Variants in CHRM5 observed in about 807,000 individuals in gnomAD.
CHRM5 encodes the protein muscarinic acetylcholine receptor M5.
CHRM5 carries 18 observed loss-of-function variants against 39.0 expected under a neutral mutation model. That is an observed-to-expected ratio of 0.46 (90% CI 0.32 to 0.68). The LOEUF (loss-of-function observed/expected upper bound fraction) is 0.68. Ranked by LOEUF, CHRM5 falls within the 30% of genes least tolerant of loss-of-function variation. CHRM5 has a pLI of 0.04. For missense variants in CHRM5, 515 were observed against 651.1 expected (o/e 0.79, Z 2.28); for synonymous variants, 241 against 246.3 (o/e 0.98, Z 0.20).
At chr15:33,977,453 G>A (rs942467724) in intron 1 of CHRM5, among the ~76,000 whole-genome samples, 2 of 152,006 alleles carry the variant, frequency 1.3e-5, no homozygotes, top group African/African-American at 4.8e-5. Flanking sequence ...AATGAATTCC[G>A]GTTTCAAACC....
At chr15:33,988,207 T>C (rs1218748709) in intron 1 of CHRM5, among the ~76,000 whole-genome samples, 1 of 152,204 alleles carries the variant, frequency 6.6e-6, no homozygotes, top group African/African-American at 2.4e-5. Context: ...AAACAAAAAA[T>C]GTGTATCTTA....
intron 1 of CHRM5, among the ~76,000 whole-genome samples, chr15:34,017,497 T>TTG (rs71119913): frequency 0.53 from 69,801 of 132,436 alleles, 20,039 homozygotes; most frequent in Non-Finnish European, 0.69. Flanking sequence ...TTTTTTTTTT[T>TTG]TTTGAGACAG....
chr15:34,037,066 G>A (rs1022212269), intron 1 of CHRM5, among the ~76,000 whole-genome samples: 14 of 151,186 alleles, frequency 9.3e-5, no homozygotes, highest in Non-Finnish European at 2.1e-4. Context: ...CCAAGATCAT[G>A]CCATTGCACT....
At position 34,046,631 on chromosome 15, in the gene CHRM5, C is replaced by CA. The variant is rs1899694787; in HGVS notation, c.-314dup. The CA allele has an allele frequency of 6.6e-6, 1 of 152,152 alleles. No individual in the cohort carries two copies. The highest frequency in any genetic ancestry group is 1.5e-5 in the Non-Finnish European group (1 of 68,044). 9.4% of individuals were successfully genotyped at this position (152,152 alleles called of 1,614,324 possible). On this transcript the variant is annotated 5_prime_UTR_variant, in exon 2 of 3. The change creates a premature stop within an existing upstream ORF in the 5' untranslated region. Transcript: ENST00000383263. ...TACTCAGGAGCTTTTCAGAAATGTG[C>CA]AATTGTGAAATATGGCCAAGATGGC... is the stretch of plus-strand genomic sequence containing the variant.
intron 1 of CHRM5, among the ~76,000 whole-genome samples, chr15:34,025,282 C>A (rs555540134): frequency 6.6e-6 from 1 of 152,238 alleles, no homozygotes; most frequent in South Asian, 2.1e-4. Flanking sequence ...CTATAGAAAC[C>A]AACTCTGGCT....
intron 1 of CHRM5, chr15:34,006,903 C>T (rs1897377530): frequency 4.1e-6 from 1 of 243,152 alleles, no homozygotes; most frequent in Non-Finnish European, 6.6e-6. Flanking sequence ...TAAAAATATG[C>T]AAAGCCTCAA....
chr15:34,006,952 GA>G (rs1897380319), intron 1 of CHRM5: 1 of 557,888 alleles, frequency 1.8e-6, no homozygotes, highest in African/African-American at 2.0e-5. Flanking sequence ...ATACTGATCA[GA>G]AAACAAGGTG....
chr15:33,997,792 G>A (rs1249322313), intron 1 of CHRM5, among the ~76,000 whole-genome samples: 1 of 151,940 alleles, frequency 6.6e-6, no homozygotes, highest in East Asian at 1.9e-4. Flanking sequence ...CTGCTAAACT[G>A]TAATCATGAT....
chr15:33,973,249 C>T (rs184892582), intron 1 of CHRM5, among the ~76,000 whole-genome samples: 34 of 152,250 alleles, frequency 2.2e-4, no homozygotes, highest in African/African-American at 7.2e-4. Context: ...CTTTAAGAAG[C>T]AAAAGCCAGA....
At chr15:34,045,578 T>C (rs896070330) in intron 1 of CHRM5, among the ~76,000 whole-genome samples, 7 of 152,092 alleles carry the variant, frequency 4.6e-5, no homozygotes, top group African/African-American at 1.4e-4. Flanking sequence ...TACATAACAA[T>C]ATGAGCTGGT....
intron 1 of CHRM5, among the ~76,000 whole-genome samples, chr15:34,037,658 T>A (rs960292307): frequency 6.6e-6 from 1 of 151,432 alleles, no homozygotes; most frequent in Admixed American, 6.6e-5. Context: ...TTACACGAGG[T>A]AAACTGACCC....
At chr15:34,007,746 T>A (rs1284092768) in intron 1 of CHRM5, among the ~76,000 whole-genome samples, 1 of 152,224 alleles carries the variant, frequency 6.6e-6, no homozygotes, top group Non-Finnish European at 1.5e-5. Context: ...AATGTTTTTC[T>A]CTCTCAGTTC....
chr15:33,981,174 G>A (rs1259238864), intron 1 of CHRM5, among the ~76,000 whole-genome samples: 1 of 152,132 alleles, frequency 6.6e-6, no homozygotes, highest in Non-Finnish European at 1.5e-5. Flanking sequence ...AAGGTAATGT[G>A]AAAAATATTA....
At chr15:33,985,915 T>C (rs1896426609) in intron 1 of CHRM5, among the ~76,000 whole-genome samples, 1 of 152,144 alleles carries the variant, frequency 6.6e-6, no homozygotes, top group Non-Finnish European at 1.5e-5. Flanking sequence ...GGTTCATGAT[T>C]CTCTCAAGGG....
rs58379586 is a variant in CHRM5, at chr15:34,024,688, TAA to T, written c.-407-21838_-407-21837del. On this transcript the variant is annotated intron_variant, in intron 1 of 2. Transcript: ENST00000383263. ...CAACATGGTGAAACCCCGTCTCTAC[TAA>T]AAAAAAAAAAAAATACAAAAATTAG... Among the ~76,000 whole-genome samples the T allele has an allele frequency of 8.4e-3, 1,104 of 131,944 alleles. 21 individuals carry two copies. The highest frequency in any genetic ancestry group is 0.029 in the African/African-American group (1,048 of 35,730). The allele number at this position is 131,944 out of a possible 152,430, so 86.6% of individuals were successfully genotyped here. A position where few individuals can be genotyped will look rare whatever the true frequency, so the allele number is the denominator to read the frequency against.
intron 1 of CHRM5, among the ~76,000 whole-genome samples, chr15:33,971,170 C>A (rs1241706653): frequency 6.6e-6 from 1 of 152,030 alleles, no homozygotes; most frequent in Non-Finnish European, 1.5e-5. Flanking sequence ...TTATTTATAA[C>A]AACTTTTCCC....
intron 1 of CHRM5, among the ~76,000 whole-genome samples, chr15:33,970,566 T>C (rs1895592842): frequency 6.6e-6 from 1 of 151,932 alleles, no homozygotes; most frequent in Non-Finnish European, 1.5e-5. Context: ...TTTCATCTGT[T>C]CCCTCCTTAT....
At chr15:34,039,004 G>A in intron 1 of CHRM5, 1 of 1,122,048 alleles carries the variant, frequency 8.9e-7, no homozygotes, top group Non-Finnish European at 1.1e-6. Flanking sequence ...CCGCGGCCTG[G>A]CCGCCGCCCA....
chr15:33,994,192 T>G (rs1048948183), intron 1 of CHRM5, among the ~76,000 whole-genome samples: 3 of 152,170 alleles, frequency 2.0e-5, no homozygotes, highest in African/African-American at 7.2e-5. Context: ...ACTGCTTGCA[T>G]TAGTGCCTGA....
Sources: allele counts gnomAD v4.1 joint callset (sites outside exome capture counted in the v4.1 genomes callset), GRCh38; gene constraint gnomAD v4.1.1; transcripts MANE v1.5; gene names NCBI Gene and HGNC (gene_info 2026-07-23, HGNC 2026-07-21).